The following CASD1 variants were observed in gnomAD, a reference collection of about 807,000 sequenced individuals.
CASD1 encodes the protein CAS1 domain sialic acid O acetyltransferase 1, also known as N-acetylneuraminate (7)9-O-acetyltransferase.
A neutral mutation model predicts 100.0 loss-of-function variants in CASD1; 41 were observed. The observed-to-expected ratio is 0.41, with a 90% confidence interval of 0.32 to 0.53. CASD1 has a LOEUF of 0.53. Ranked by LOEUF, CASD1 falls within the 20% of genes least tolerant of loss-of-function variation. CASD1 has a pLI of 0.25. For synonymous variants in CASD1, 321 were observed against 315.6 expected (o/e 1.02, Z -0.18); for missense variants, 774 against 948.7 (o/e 0.82, Z 2.42).
chr7:94,589,442 G>C, the CASD1 span: 1 of 153,120 alleles, frequency 6.5e-6, no homozygotes, highest in South Asian at 2.0e-4. Context: ...TTACATTCTT[G>C]TCCCCTTATA....
chr7:94,523,913 G>A (rs1450296725), intron 3 of CASD1, among the ~76,000 whole-genome samples: 1 of 152,114 alleles, frequency 6.6e-6, no homozygotes, highest in Admixed American at 6.5e-5. Context: ...GACTTTAAAA[G>A]TAACAGAAAT....
the CASD1 span, chr7:94,628,736 CAT>C: frequency 2.3e-3 from 487 of 209,916 alleles, 2 homozygotes; most frequent in African/African-American, 0.011. Context: ...TGGACACTAT[CAT>C]ATGAGTATGA....
intron 14 of CASD1, among the ~76,000 whole-genome samples, chr7:94,549,937 A>C (rs1275356758): frequency 1.3e-5 from 2 of 152,102 alleles, no homozygotes; most frequent in African/African-American, 4.8e-5. Context: ...AGCCATTCAA[A>C]ACAATATTTA....
the CASD1 span, among the ~76,000 whole-genome samples, chr7:94,611,716 G>A: frequency 2.0e-5 from 3 of 152,202 alleles, no homozygotes; most frequent in East Asian, 5.8e-4. Context: ...CAGCACAAAA[G>A]TTCAAAGCTA....
rs143613597 is a variant in CASD1, at chr7:94,512,889, A to T, written c.133+2672A>T. Among the ~76,000 whole-genome samples, 151 of 152,304 alleles carry T rather than the reference A, an allele frequency of 9.9e-4. No homozygotes were observed. In the Middle Eastern group the frequency reaches 0.01, roughly 10 times the overall value. On this transcript the variant is annotated intron_variant, in intron 1 of 17. Coordinates refer to ENST00000297273, the MANE Select transcript of CASD1 (RefSeq NM_022900.5). ...GCATGACAGATTAAATTGCCTAAGG[A>T]TACACAGTGACTGAGCTAGGATTTA...
At chr7:94,560,829 G>A (rs779959337), downstream of CASD1, among the ~76,000 whole-genome samples, 5 of 152,010 alleles carry the variant, frequency 3.3e-5, no homozygotes, top group Non-Finnish European at 7.4e-5. Flanking sequence ...TGATTAATAG[G>A]TTTAAAGACA....
intron 10 of CASD1, among the ~76,000 whole-genome samples, chr7:94,543,240 G>A (rs17269610): frequency 0.085 from 12,903 of 152,128 alleles, 717 homozygotes; most frequent in Non-Finnish European, 0.11. Flanking sequence ...AAAAATATCC[G>A]TCCAAAAAGA....
intron 11 of CASD1, 72 bp from the exon 12 acceptor site, chr7:94,545,473 T>A: frequency 8.5e-7 from 1 of 1,177,692 alleles, no homozygotes. Context: ...AAAATCTGCC[T>A]TTGCTGTTCG....
At chr7:94,565,209 T>G in the CASD1 span, among the ~76,000 whole-genome samples, 2 of 152,208 alleles carry the variant, frequency 1.3e-5, no homozygotes, top group South Asian at 2.1e-4. Context: ...TCTATTATTT[T>G]GGGGCCTATC....
the CASD1 span, chr7:94,618,601 C>A: frequency 1.6e-6 from 1 of 628,530 alleles, no homozygotes; most frequent in Middle Eastern, 4.3e-4. Context: ...AACATCTTTG[C>A]CAATATAGAA....
At chr7:94,575,464 A>G in the CASD1 span, among the ~76,000 whole-genome samples, 3 of 152,098 alleles carry the variant, frequency 2.0e-5, no homozygotes, top group South Asian at 6.2e-4. Flanking sequence ...TTGTATGTTC[A>G]ATTATATGGT....
rs373214303 is a variant in CASD1 at position 94,531,682 on chromosome 7, TGTA to T, written c.460-1519_460-1517del. Among the ~76,000 whole-genome samples, 85 of 152,286 alleles carry T rather than the reference TGTA, an allele frequency of 5.6e-4. No individual in the cohort carries two copies. In the Middle Eastern group the frequency reaches 0.01, roughly 18 times the overall value. ...TTATTTTGTTATTTTTCTCTATATT[TGTA>T]GTATTTTACAGTAAGCATGTATTAC... On this transcript the variant is annotated intron_variant, in intron 5 of 17. Transcript: ENST00000297273.
At chr7:94,572,854 A>T in the CASD1 span, among the ~76,000 whole-genome samples, 1 of 152,022 alleles carries the variant, frequency 6.6e-6, no homozygotes, top group Non-Finnish European at 1.5e-5. Flanking sequence ...CAGGGTTTTT[A>T]TAATTTGGGG....
the CASD1 span, chr7:94,620,399 A>G: frequency 1.3e-5 from 2 of 150,938 alleles, no homozygotes; most frequent in African/African-American, 5.0e-5. Context: ...TCCTTAATGT[A>G]TAGCCCATCT....
chr7:94,513,356 A>G lies in CASD1; in HGVS notation c.133+3139A>G, dbSNP rs180723977. 1.3e-3 allele frequency among the ~76,000 whole-genome samples: 191 copies of G among 149,588 alleles called. 1 individual carries two copies. Among genetic ancestry groups the G allele is most frequent in the African/African-American group, 4.2e-3 (171 of 40,858 alleles). Reference sequence around the variant, plus strand: ...AGTTTTTCTATTTTTTTTTCCAGTCAGGAGGTAATTTTCTAAAAGTTGTTT... The same window carrying G: ...AGTTTTTCTATTTTTTTTTCCAGTCGGGAGGTAATTTTCTAAAAGTTGTTT... On this transcript the variant is annotated intron_variant, in intron 1 of 17. Transcript: ENST00000297273.
chr7:94,542,744 A>G (rs1430925921), intron 10 of CASD1, among the ~76,000 whole-genome samples: 3 of 152,170 alleles, frequency 2.0e-5, no homozygotes, highest in African/African-American at 7.2e-5. Context: ...GCAATCCACG[A>G]AGGGGATATT....
At chr7:94,603,763 A>G in the CASD1 span, among the ~76,000 whole-genome samples, 1 of 152,164 alleles carries the variant, frequency 6.6e-6, no homozygotes, top group Non-Finnish European at 1.5e-5. Flanking sequence ...TCTGATTACT[A>G]TATTTAGTAA....
downstream of CASD1, among the ~76,000 whole-genome samples, chr7:94,558,861 G>A (rs1007578360): frequency 1.1e-4 from 17 of 151,962 alleles, no homozygotes; most frequent in Admixed American, 1.0e-3. Flanking sequence ...GTGCAGTGGC[G>A]TGATCTTGGC....
At chr7:94,615,329 A>G in the CASD1 span, among the ~76,000 whole-genome samples, 3 of 152,074 alleles carry the variant, frequency 2.0e-5, no homozygotes, top group Non-Finnish European at 4.4e-5. Flanking sequence ...ACTGCACTCT[A>G]GCCTGGGTGA....
Sources: gnomAD v4.1 joint callset for allele counts (sites outside exome capture counted in the v4.1 genomes callset) on GRCh38, gnomAD v4.1.1 for gene constraint, MANE v1.5 for transcripts, NCBI Gene and HGNC (gene_info 2026-07-23, HGNC 2026-07-21) for gene names.